The following VWA3B variants were observed in gnomAD, a reference collection of about 807,000 sequenced individuals.
The protein encoded by VWA3B is von Willebrand factor A domain-containing protein 3B.
In VWA3B, 138 loss-of-function variants were observed where a neutral mutation model predicts 158.3. The observed-to-expected ratio is 0.87, with a 90% CI of 0.76 to 1.00. VWA3B has a LOEUF of 1.00. Ranked by LOEUF, VWA3B falls within the 50% of genes least tolerant of loss-of-function variation. VWA3B has a pLI of 0.00. For missense variants in VWA3B, 1,555 were observed against 1,565.1 expected, an observed-to-expected ratio of 0.99 and a Z score of 0.11; for synonymous variants, 596 against 587.3, an observed-to-expected ratio of 1.01 and a Z score of -0.21.
chr2:98,297,908 G>A lies in VWA3B; in HGVS notation c.3159G>A (p.Gly1053=), dbSNP rs1689909907. ...RCDENGFYFP[G]VVKKCVSRTQ... is the part of the protein sequence containing the mutation. ...TATGTTTTCTTTGATTCCTTCCAGGGGTTGTGAAGAAGTGTGTGAGCCGCA... is the reference window on the plus strand; with the variant it reads ...TATGTTTTCTTTGATTCCTTCCAGGAGTTGTGAAGAAGTGTGTGAGCCGCA... The change falls in exon 24 of 28, where the codon GGG becomes GGA. Residue 1053 remains glycine (G), a splice_region_variant and synonymous_variant. Transcript: ENST00000477737. 6.5e-7 allele frequency: 1 copy of A among 1,530,678 alleles called. No individual in the cohort carries two copies. The highest frequency in any genetic ancestry group is 8.8e-7 in the Non-Finnish European group (1 of 1,138,294). 94.8% of individuals were successfully genotyped at this position (1,530,678 alleles called of 1,614,324 possible).
chr2:98,220,448 A>T (rs1003091442), intron 14 of VWA3B, among the ~76,000 whole-genome samples: 21 of 152,308 alleles, frequency 1.4e-4, no homozygotes, highest in African/African-American at 4.8e-4. Context: ...TTGTAGGTCC[A>T]CCATCTCAAA....
intron 5 of VWA3B, among the ~76,000 whole-genome samples, chr2:98,124,780 G>A (rs1372738591): frequency 1.3e-5 from 2 of 152,222 alleles, no homozygotes; most frequent in Non-Finnish European, 2.9e-5. Flanking sequence ...GGCAGTCAGA[G>A]TAGAAGCACA....
intron 26 of VWA3B, among the ~76,000 whole-genome samples, chr2:98,311,354 C>G (rs1690880417): frequency 6.6e-6 from 1 of 152,192 alleles, no homozygotes; most frequent in African/African-American, 2.4e-5. Context: ...ACAAATCATA[C>G]CATTTTGGAC....
downstream of VWA3B, among the ~76,000 whole-genome samples, chr2:98,317,885 G>A (rs1341583672): frequency 6.6e-6 from 1 of 152,142 alleles, no homozygotes; most frequent in Non-Finnish European, 1.5e-5. Flanking sequence ...AACTCTTTTT[G>A]TCAACAAAGT....
chr2:98,285,855 A>AT (rs1235341499), intron 22 of VWA3B, among the ~76,000 whole-genome samples: 1 of 152,120 alleles, frequency 6.6e-6, no homozygotes, highest in Non-Finnish European at 1.5e-5. Context: ...TAATGTCTAT[A>AT]TATCAGTTTA....
chr2:98,096,357 C>T (rs1270899302), intron 2 of VWA3B, among the ~76,000 whole-genome samples: 1 of 152,092 alleles, frequency 6.6e-6, no homozygotes, highest in Non-Finnish European at 1.5e-5. Context: ...CAACCTCTGC[C>T]TCCTGGGTTC....
Position 98,282,863 on chromosome 2 carries a change from C to T in VWA3B, c.3046-7648C>T, listed in dbSNP as rs116691487. ...CCATTTAGAAAGACATTTTCTTAGG[C>T]GTCATTTGCAGTGCTAAGAATGAAT... On this transcript the variant is annotated intron_variant, in intron 22 of 27. Transcript: ENST00000477737. Among the ~76,000 whole-genome samples the T allele has an allele frequency of 4.5e-3, 687 of 152,222 alleles. 2 individuals carry two copies. Among genetic ancestry groups the T allele is most frequent in the Admixed American group, 7.9e-3 (121 of 15,294 alleles).
At chr2:98,158,815 G>A (rs1309294629) in intron 7 of VWA3B, among the ~76,000 whole-genome samples, 1 of 152,092 alleles carries the variant, frequency 6.6e-6, no homozygotes, top group Non-Finnish European at 1.5e-5. Context: ...AGAGGACAGT[G>A]CTCTGACCGG....
intron 7 of VWA3B, among the ~76,000 whole-genome samples, chr2:98,160,710 G>A (rs974657948): frequency 2.6e-5 from 4 of 152,322 alleles, no homozygotes; most frequent in Non-Finnish European, 4.4e-5. Context: ...ATTTTACAGC[G>A]TTCAGAGGGC....
chr2:98,218,938 T>C, intron 14 of VWA3B, among the ~76,000 whole-genome samples: 1 of 152,082 alleles, frequency 6.6e-6, no homozygotes. Context: ...CACAGGAGGG[T>C]CTTGCCTCGG....
At chr2:98,124,551 G>T (rs146260654) in intron 5 of VWA3B, among the ~76,000 whole-genome samples, 1 of 152,188 alleles carries the variant, frequency 6.6e-6, no homozygotes, top group Non-Finnish European at 1.5e-5. Flanking sequence ...GACAGCAGAG[G>T]GTTCCCACAG....
At chr2:98,204,887 G>A (rs953812402) in intron 12 of VWA3B, among the ~76,000 whole-genome samples, 3 of 152,152 alleles carry the variant, frequency 2.0e-5, no homozygotes, top group African/African-American at 7.2e-5. Context: ...AGGCAGGCAG[G>A]ATCACCTGAA....
downstream of VWA3B, among the ~76,000 whole-genome samples, chr2:98,315,343 A>G (rs1691065547): frequency 6.6e-6 from 1 of 152,196 alleles, no homozygotes; most frequent in African/African-American, 2.4e-5. Flanking sequence ...GATAATAATA[A>G]TACCTATGTA....
At chr2:98,189,767 T>C (rs973864527) in intron 10 of VWA3B, among the ~76,000 whole-genome samples, 3 of 152,246 alleles carry the variant, frequency 2.0e-5, no homozygotes, top group Non-Finnish European at 4.4e-5. Context: ...ACATTTAAGA[T>C]TGTTATGTTC....
Position 98,089,662 on chromosome 2 carries a change from CCAGACAATACAAATATTCCATTTGTATTT to C in VWA3B, c.-33+2347_-33+2375del, listed in dbSNP as rs1292540278. 5.6e-3 allele frequency among the ~76,000 whole-genome samples: 826 copies of C among 146,280 alleles called. 11 individuals are homozygous for C. Among genetic ancestry groups the C allele is most frequent in the African/African-American group, 0.018 (713 of 39,594 alleles). On this transcript the variant is annotated intron_variant, in intron 1 of 27. Coordinates refer to ENST00000477737, the MANE Select transcript of VWA3B (RefSeq NM_144992.5). ...CCCCCTTTCCTTCCTTTTTTTTTTT[CCAGACAATACAAATATTCCATTTGTATTT>C]CAGACAATACAAATATTCCATTTGT...
intron 22 of VWA3B, among the ~76,000 whole-genome samples, chr2:98,284,815 T>C (rs1689070883): frequency 6.6e-6 from 1 of 152,130 alleles, no homozygotes. Flanking sequence ...AATAAGTTTA[T>C]GGTTAAGAAA....
intron 10 of VWA3B, among the ~76,000 whole-genome samples, chr2:98,191,460 T>C (rs1449231543): frequency 1.3e-5 from 2 of 152,238 alleles, no homozygotes; most frequent in East Asian, 3.8e-4. Context: ...TTTATATATG[T>C]TCTTGATACA....
At chr2:98,264,731 A>T (rs1217193617) in intron 21 of VWA3B, among the ~76,000 whole-genome samples, 1 of 151,948 alleles carries the variant, frequency 6.6e-6, no homozygotes, top group Non-Finnish European at 1.5e-5. Context: ...GGCCCAGTTG[A>T]TTGGTGGTGT....
At chr2:98,216,368 G>C (rs1683987068) in intron 13 of VWA3B, among the ~76,000 whole-genome samples, 1 of 152,236 alleles carries the variant, frequency 6.6e-6, no homozygotes, top group Non-Finnish European at 1.5e-5. Flanking sequence ...AAAGTTATGG[G>C]CTGGTCTGGA....
Sources: gnomAD v4.1 joint callset for allele counts (sites outside exome capture counted in the v4.1 genomes callset) on GRCh38, gnomAD v4.1.1 for gene constraint, MANE v1.5 for transcripts, NCBI Gene and HGNC (gene_info 2026-07-23, HGNC 2026-07-21) for gene names.